Variants in QPRT observed in about 807,000 individuals in gnomAD.
QPRT encodes the protein quinolinate phosphoribosyltransferase, also known as nicotinate-nucleotide pyrophosphorylase [carboxylating].
In QPRT, 17 loss-of-function variants were observed where a neutral mutation model predicts 19.8. That is an observed-to-expected ratio of 0.86 (90% CI 0.59 to 1.29). The LOEUF (loss-of-function observed/expected upper bound fraction) is 1.29. Among genes scored for constraint, QPRT ranks in the 50% most tolerant of loss-of-function variants. The pLI is 0.00. For synonymous variants in QPRT, 178 were observed against 191.0 expected, an observed-to-expected ratio of 0.93 and a Z score of 0.56; for missense variants, 336 against 405.1, an observed-to-expected ratio of 0.83 and a Z score of 1.46.
At chr16:29,692,505 C>T (rs1967377323) in intron 1 of QPRT, among the ~76,000 whole-genome samples, 1 of 149,884 alleles carries the variant, frequency 6.7e-6, no homozygotes, top group Admixed American at 6.7e-5. Context: ...GGCGTGAACC[C>T]GGGAGGCGGA....
chr16:29,694,011 G>T (rs1967432995), intron 1 of QPRT, among the ~76,000 whole-genome samples: 1 of 151,160 alleles, frequency 6.6e-6, no homozygotes, highest in Admixed American at 6.6e-5. Context: ...TTTTAGTAGA[G>T]ACCATGTTGG....
intron 1 of QPRT, among the ~76,000 whole-genome samples, chr16:29,688,550 C>T (rs530746812): frequency 2.0e-4 from 30 of 152,208 alleles, no homozygotes; most frequent in African/African-American, 6.5e-4. Flanking sequence ...GACAGAGTCT[C>T]ACTCTGTCGC....
intron 1 of QPRT, among the ~76,000 whole-genome samples, chr16:29,694,113 G>C (rs1596796710): frequency 6.6e-6 from 1 of 151,226 alleles, no homozygotes; most frequent in Non-Finnish European, 1.5e-5. Flanking sequence ...ACCGCACCCG[G>C]TCAGAAGTTT....
chr16:29,687,442 C>T (rs1025934567), intron 1 of QPRT, among the ~76,000 whole-genome samples: 1 of 152,222 alleles, frequency 6.6e-6, no homozygotes, highest in Admixed American at 6.5e-5. Context: ...TGGGGCCGCA[C>T]ACCTGAGGTC....
intron 1 of QPRT, among the ~76,000 whole-genome samples, chr16:29,685,103 A>C (rs546187801): frequency 3.9e-5 from 6 of 152,300 alleles, no homozygotes; most frequent in Admixed American, 2.0e-4. Context: ...AATAGCCCTC[A>C]AATCTACCCC....
At chr16:29,690,502 T>C (rs1967294689) in intron 1 of QPRT, among the ~76,000 whole-genome samples, 1 of 152,016 alleles carries the variant, frequency 6.6e-6, no homozygotes, top group South Asian at 2.1e-4. Context: ...TCCTTTTTCT[T>C]TGCAACCTCG....
intron 1 of QPRT, among the ~76,000 whole-genome samples, chr16:29,690,448 G>C (rs1567330534): frequency 1.3e-5 from 2 of 151,992 alleles, no homozygotes; most frequent in East Asian, 1.9e-4. Flanking sequence ...TGTCCTCCAC[G>C]ATGGTTTAAC....
At chr16:29,684,806 T>G (rs533788486) in intron 1 of QPRT, among the ~76,000 whole-genome samples, 1 of 152,330 alleles carries the variant, frequency 6.6e-6, no homozygotes, top group East Asian at 1.9e-4. Flanking sequence ...AGGCCACGAT[T>G]CAGGAAACGC....
rs769151674 is a variant in QPRT at position 29,697,283 on chromosome 16, C to T, written c.766C>T (p.Leu256Phe). Residue 256 changes from leucine (L) to phenylalanine (F), a missense_variant, in exon 4 of 4, where the codon CTC becomes TTC. Transcript: ENST00000395384. The surrounding 1 kb of genome is among the most constrained non-coding windows in gnomAD (Gnocchi z 4.4). ...EASGGITLDN[L>F]PQFCGPHIDV... ...CAGTGGGGGCATCACCCTGGACAAC[C>T]TCCCCCAGTTCTGCGGGCCGCACAT... is the stretch of plus-strand genomic sequence containing the variant. 1 of 1,614,190 alleles carries T rather than the reference C, an allele frequency of 6.2e-7. No homozygotes were observed. The highest frequency in any genetic ancestry group is 1.1e-5 in the South Asian group (1 of 91,070).
intron 1 of QPRT, among the ~76,000 whole-genome samples, chr16:29,692,695 TGCAGTCGCCAGGCCACTGCAG>T (rs1206990607): frequency 6.6e-6 from 1 of 152,186 alleles, no homozygotes; most frequent in East Asian, 1.9e-4. Flanking sequence ...ATCGCGCCTC[TGCAGTCGCCAGGCCACTGCAG>T]GCGCCACAGT....
Position 29,695,069 on chromosome 16 carries a change from C to A in QPRT, c.419C>A (p.Thr140Asn), listed in dbSNP as rs1161988723. The A allele has an allele frequency of 6.2e-7, 1 of 1,606,446 alleles. No individual in the cohort carries two copies. Among genetic ancestry groups the A allele is most frequent in the East Asian group, 2.2e-5 (1 of 44,786 alleles). ...WTGHVAGTRK[T>N]TPGFRLVEKY... Reference sequence around the variant, plus strand: ...GGGCACGTGGCAGGCACGAGGAAGACCACGCCAGGCTTCCGGCTGGTGGAG... The same window carrying A: ...GGGCACGTGGCAGGCACGAGGAAGAACACGCCAGGCTTCCGGCTGGTGGAG... The change falls in exon 2 of 4, where the codon ACC becomes AAC. Residue 140 changes from threonine to asparagine, a missense_variant. Thr to Asn is a moderately conservative substitution (Grantham distance 65). Transcript: ENST00000395384.
chr16:29,682,942 A>AG (rs1967051791), intron 1 of QPRT, among the ~76,000 whole-genome samples: 1 of 151,532 alleles, frequency 6.6e-6, no homozygotes, highest in African/African-American at 2.4e-5. Flanking sequence ...ATTTAGAGAT[A>AG]GGGGTCTCAC....
At chr16:29,682,869 T>G (rs1967049489) in intron 1 of QPRT, among the ~76,000 whole-genome samples, 1 of 152,182 alleles carries the variant, frequency 6.6e-6, no homozygotes, top group African/African-American at 2.4e-5. Flanking sequence ...ATCTACACTT[T>G]GTGATTGGTT....
chr16:29,697,240 G>A lies in QPRT; in HGVS notation c.723G>A (p.Pro241=), dbSNP rs755601036. The A allele has an allele frequency of 8.1e-6, 13 of 1,613,694 alleles. No homozygotes were observed. The highest frequency in any genetic ancestry group is 5.0e-5 in the Admixed American group (3 of 59,950). ...CCACCGTGCTGAAGGCCCAGTTCCC[G>A]AGTGTGGCTGTGGAAGCCAGTGGGG... The part of the protein sequence containing the change: ...PTATVLKAQF[P]SVAVEASGGI... Residue 241 remains proline, a synonymous_variant, in exon 4 of 4, where the codon CCG becomes CCA. Transcript: ENST00000395384. The surrounding 1 kb of genome is among the most constrained non-coding windows in gnomAD (Gnocchi z 4.4).
At chr16:29,685,307 A>G (rs796284544) in intron 1 of QPRT, among the ~76,000 whole-genome samples, 3 of 152,058 alleles carry the variant, frequency 2.0e-5, no homozygotes, top group African/African-American at 7.2e-5. Flanking sequence ...CCCCATCTCT[A>G]CAAAAATACA....
At chr16:29,683,919 G>T (rs1055366124) in intron 1 of QPRT, among the ~76,000 whole-genome samples, 4 of 152,136 alleles carry the variant, frequency 2.6e-5, no homozygotes, top group African/African-American at 9.7e-5. Context: ...CGCTCCTCGA[G>T]CATGACAATG....
intron 2 of QPRT, chr16:29,696,741 A>C (rs530241769): frequency 3.5e-5 from 14 of 399,678 alleles, no homozygotes; most frequent in African/African-American, 2.7e-4. Context: ...TCATTGCACC[A>C]CTGCACTCCA....
intron 1 of QPRT, among the ~76,000 whole-genome samples, chr16:29,691,215 A>C (rs913395429): frequency 1.3e-5 from 2 of 151,300 alleles, no homozygotes; most frequent in African/African-American, 4.9e-5. Context: ...AAATACAAAA[A>C]TTAGCTGGGC....
intron 1 of QPRT, among the ~76,000 whole-genome samples, chr16:29,692,248 CTTAT>C (rs113592039): frequency 0.075 from 11,273 of 151,044 alleles, 1,278 homozygotes; most frequent in African/African-American, 0.25. Context: ...GTCCACTATC[CTTAT>C]TTATTTATTT....
Sources: allele counts gnomAD v4.1 joint callset (sites outside exome capture counted in the v4.1 genomes callset), GRCh38; gene constraint gnomAD v4.1.1; non-coding constraint Gnocchi (gnomAD v3.1); transcripts MANE v1.5; gene names NCBI Gene and HGNC (gene_info 2026-07-23, HGNC 2026-07-21).